The following ZNF267 variants were observed in gnomAD, a reference collection of about 807,000 sequenced individuals.
ZNF267 encodes zinc finger protein 267, also known as zinc finger (C2H2).
Under a neutral mutation model 71.6 loss-of-function variants are expected in ZNF267, and 61 were observed. That is an observed-to-expected ratio of 0.85 (90% CI 0.69 to 1.05). The LOEUF (loss-of-function observed/expected upper bound fraction) is 1.05, where lower values mean the gene tolerates loss of function less well. Among genes scored for constraint, ZNF267 ranks in the 50% least tolerant of loss-of-function variants. The pLI, the probability that ZNF267 is intolerant of heterozygous loss-of-function variation, is 0.00. For synonymous variants in ZNF267, 288 were observed against 293.2 expected (o/e 0.98, Z 0.18); for missense variants, 852 against 870.0 (o/e 0.98, Z 0.26).
In ZNF267 at chr16:31,873,836, T is replaced by A. The variant is rs772546144; in HGVS notation, c.-131T>A. 7.6e-7 allele frequency: 1 copy of A among 1,309,568 alleles called. No individual in the cohort carries two copies. The highest frequency in any genetic ancestry group is 1.5e-5 in the African/African-American group (1 of 68,750). The allele number at this position is 1,309,568 out of a possible 1,614,324, so 81.1% of individuals were successfully genotyped here. A position where few individuals can be genotyped will look rare whatever the true frequency, so the allele number is the denominator to read the frequency against. On this transcript the variant is annotated 5_prime_UTR_variant, in exon 1 of 4. Transcript: ENST00000300870. ...AGAGCTCGGGTCTCCTCGCCACAGC[T>A]CCGAGTCTTTCGTTCTGGGAGGCCC...
At chr16:31,906,840 A>G (rs1455480581) in intron 3 of ZNF267, among the ~76,000 whole-genome samples, 1 of 152,004 alleles carries the variant, frequency 6.6e-6, no homozygotes, top group African/African-American at 2.4e-5. Context: ...TCAGTTGGAA[A>G]TGCAGAAATC....
chr16:31,877,818 C>CT (rs940813982), intron 1 of ZNF267, among the ~76,000 whole-genome samples: 44 of 148,962 alleles, frequency 3.0e-4, no homozygotes, highest in South Asian at 8.5e-4. Context: ...TTTCCCACTA[C>CT]TTTTTTTTTT....
intron 3 of ZNF267, among the ~76,000 whole-genome samples, chr16:31,904,417 G>A (rs1372375936): frequency 1.3e-5 from 2 of 152,238 alleles, no homozygotes; most frequent in East Asian, 3.8e-4. Flanking sequence ...TTGTGTGGGA[G>A]TCTAAGTCTC....
At position 31,885,275 on chromosome 16, in the gene ZNF267, A is replaced by G. The variant is rs1219739898; in HGVS notation, c.226+19A>G. ...CAGCCAGGTAGGTGGGAGCGAATGAAGTAGATGACATGGGCGAGAGGTCCA... is the reference window on the plus strand; with the variant it reads ...CAGCCAGGTAGGTGGGAGCGAATGAGGTAGATGACATGGGCGAGAGGTCCA... On this transcript the variant is annotated intron_variant, in intron 3 of 3. Coordinates refer to ENST00000300870, the MANE Select transcript of ZNF267 (RefSeq NM_003414.6). 15 of 1,598,918 alleles carry G rather than the reference A, an allele frequency of 9.4e-6. No homozygotes were observed. Among genetic ancestry groups the G allele is most frequent in the Admixed American group, 1.7e-5 (1 of 58,606 alleles).
chr16:31,877,626 A>G (rs2083861140), intron 1 of ZNF267, among the ~76,000 whole-genome samples: 1 of 152,208 alleles, frequency 6.6e-6, no homozygotes, highest in South Asian at 2.1e-4. Flanking sequence ...AACACTGAAG[A>G]CAGAGCTGTT....
At chr16:31,911,450 A>G (rs2084134630) in intron 3 of ZNF267, among the ~76,000 whole-genome samples, 1 of 151,584 alleles carries the variant, frequency 6.6e-6, no homozygotes. Flanking sequence ...TTATCTTGAA[A>G]TATATTTTAT....
intron 1 of ZNF267, 73 bp downstream of exon 1, chr16:31,874,042 G>A: frequency 6.5e-7 from 1 of 1,539,854 alleles, no homozygotes; most frequent in Non-Finnish European, 8.9e-7. Context: ...CCCGCTGTAG[G>A]GGCACCCGGG....
chr16:31,878,875 T>C lies in ZNF267; in HGVS notation c.3+4906T>C, dbSNP rs560559612. ...AAGACCATGGCGCTAGATCTGGCTGTTGTAAGAGCAAATACAAATTAGAAA... is the reference window on the plus strand; with the variant it reads ...AAGACCATGGCGCTAGATCTGGCTGCTGTAAGAGCAAATACAAATTAGAAA... On this transcript the variant is annotated intron_variant, in intron 1 of 3. Coordinates refer to ENST00000300870, the MANE Select transcript of ZNF267 (RefSeq NM_003414.6). Among the ~76,000 whole-genome samples the C allele has an allele frequency of 3.0e-4, 46 of 152,370 alleles. No individual in the cohort carries two copies. In the Middle Eastern group the frequency reaches 0.034, roughly 113 times the overall value.
chr16:31,892,055 G>C (rs2083963883), intron 3 of ZNF267, among the ~76,000 whole-genome samples: 1 of 152,004 alleles, frequency 6.6e-6, no homozygotes, highest in Non-Finnish European at 1.5e-5. Context: ...GGTCTTGGAT[G>C]GTGTATTAGT....
intron 3 of ZNF267, among the ~76,000 whole-genome samples, chr16:31,903,946 A>G (rs2084064469): frequency 6.6e-6 from 1 of 152,178 alleles, no homozygotes; most frequent in South Asian, 2.1e-4. Flanking sequence ...TTCCCTCTGC[A>G]CACTGCTTTG....
At chr16:31,885,067 AT>A (rs2142334946) in intron 2 of ZNF267, 93 bp from the exon 3 acceptor site, 1 of 983,814 alleles carries the variant, frequency 1.0e-6, no homozygotes, top group Non-Finnish European at 1.4e-6. Flanking sequence ...TAAGTTAGAA[AT>A]TAATCCTGTC....
intron 3 of ZNF267, among the ~76,000 whole-genome samples, chr16:31,907,704 C>G (rs910069288): frequency 2.0e-5 from 3 of 151,890 alleles, no homozygotes; most frequent in Admixed American, 2.0e-4. Flanking sequence ...GAGTTTGAGA[C>G]CTGCCTGAGC....
At chr16:31,881,911 C>A (rs760325639) in intron 1 of ZNF267, among the ~76,000 whole-genome samples, 1 of 152,100 alleles carries the variant, frequency 6.6e-6, no homozygotes, top group African/African-American at 2.4e-5. Context: ...GTGATAACAC[C>A]CATCTTGGCT....
At chr16:31,905,435 G>C (rs1009990035) in intron 3 of ZNF267, among the ~76,000 whole-genome samples, 7 of 152,204 alleles carry the variant, frequency 4.6e-5, no homozygotes, top group Admixed American at 1.3e-4. Flanking sequence ...ATGAGACGTA[G>C]ATTTGGTCTT....
rs1442823428 is a variant in ZNF267 at position 31,902,624 on chromosome 16, A to ATT, written c.227-11848_227-11847dup. On this transcript the variant is annotated intron_variant, in intron 3 of 3. Transcript: ENST00000300870. Reference sequence around the variant, plus strand: ...TTATTGGTGTATAAAAATGCTTGTGATTTTTGCACATTGATTTTGTATCCT... The same window carrying ATT: ...TTATTGGTGTATAAAAATGCTTGTGATTTTTTTGCACATTGATTTTGTATCCT... Among the ~76,000 whole-genome samples, 5 of 152,162 alleles carry ATT rather than the reference A, an allele frequency of 3.3e-5. No individual in the cohort carries two copies. The East Asian group carries it at 9.7e-4, about 29-fold the overall frequency.
At chr16:31,891,402 C>G (rs112108369) in intron 3 of ZNF267, among the ~76,000 whole-genome samples, 1 of 152,136 alleles carries the variant, frequency 6.6e-6, no homozygotes, top group Non-Finnish European at 1.5e-5. Flanking sequence ...CTGAATTTCA[C>G]TATGTATTTA....
At chr16:31,911,843 A>G (rs981560665) in intron 3 of ZNF267, 5 of 150,630 alleles carry the variant, frequency 3.3e-5, no homozygotes, top group Non-Finnish European at 5.9e-5. Context: ...ATTTGAGGTT[A>G]CCATGAAACT....
intron 1 of ZNF267, chr16:31,875,173 A>G (rs1287242274): frequency 2.3e-6 from 3 of 1,288,996 alleles, no homozygotes; most frequent in East Asian, 1.1e-4. Flanking sequence ...GCCACCCTCT[A>G]TCCAGTCTTT....
intron 3 of ZNF267, among the ~76,000 whole-genome samples, chr16:31,905,739 G>C (rs376818319): frequency 6.6e-6 from 1 of 151,948 alleles, no homozygotes; most frequent in Non-Finnish European, 1.5e-5. Context: ...GAACTTCCTC[G>C]TTTAGCTCAG....
Sources: gnomAD v4.1 joint callset for allele counts (sites outside exome capture counted in the v4.1 genomes callset) on GRCh38, gnomAD v4.1.1 for gene constraint, MANE v1.5 for transcripts, NCBI Gene and HGNC (gene_info 2026-07-23, HGNC 2026-07-21) for gene names.